CC2D2B: variants seen among roughly 807,000 people sequenced by gnomAD.
The protein encoded by CC2D2B is protein CC2D2B.
In CC2D2B, 128 loss-of-function variants were observed where a neutral mutation model predicts 161.2. The ratio of observed to expected loss-of-function variants is 0.79; its 90% CI spans 0.69 to 0.92. The LOEUF (loss-of-function observed/expected upper bound fraction) is 0.92, where lower values mean the gene tolerates loss of function less well. Among genes scored for constraint, CC2D2B ranks in the 40% least tolerant of loss-of-function variants. The probability of loss-of-function intolerance (pLI) is 0.00; values close to 1 mark genes in which losing one functional copy is unlikely to be tolerated. For missense variants in CC2D2B, 1,173 were observed against 1,375.1 expected (o/e 0.85, Z 2.32); for synonymous variants, 391 against 449.8 (o/e 0.87, Z 1.65).
Position 95,934,962 on chromosome 10 carries a change from C to A in CC2D2B, c.337-3029C>A, listed in dbSNP as rs187964618. Among the ~76,000 whole-genome samples the A allele has an allele frequency of 3.6e-3, 553 of 152,298 alleles. 2 individuals are homozygous for A. The highest frequency in any genetic ancestry group is 6.5e-3 in the Non-Finnish European group (442 of 68,026). Reference sequence around the variant, plus strand: ...CTCAGCTCACTGCAACCTCTGTCTCCTGGCTTCAAGCGATTCTCTTGCCTC... The same window carrying A: ...CTCAGCTCACTGCAACCTCTGTCTCATGGCTTCAAGCGATTCTCTTGCCTC... On this transcript the variant is annotated intron_variant, in intron 6 of 34. Coordinates refer to ENST00000646931, the MANE Select transcript of CC2D2B (RefSeq NM_001349008.3).
chr10:96,026,814 C>A (rs1457056351), intron 33 of CC2D2B, among the ~76,000 whole-genome samples: 1 of 152,106 alleles, frequency 6.6e-6, no homozygotes, highest in Admixed American at 6.6e-5. Flanking sequence ...CAAAAAGTAT[C>A]ATTCTCATAC....
At chr10:95,990,902 G>A (rs114659432) in intron 20 of CC2D2B, among the ~76,000 whole-genome samples, 88 of 152,260 alleles carry the variant, frequency 5.8e-4, no homozygotes, top group African/African-American at 1.8e-3. Context: ...TTCTTGCCAG[G>A]CTGCCAGAAT....
chr10:95,930,419 C>T (rs1177468876), intron 6 of CC2D2B, among the ~76,000 whole-genome samples: 1 of 152,192 alleles, frequency 6.6e-6, no homozygotes, highest in African/African-American at 2.4e-5. Context: ...CTGGTCAGAA[C>T]TTCCAATACT....
intron 25 of CC2D2B, among the ~76,000 whole-genome samples, chr10:96,006,381 C>A (rs571771740): frequency 1.0e-4 from 15 of 149,622 alleles, no homozygotes; most frequent in African/African-American, 3.6e-4. Context: ...CATAACATTT[C>A]TTGCTTGTTA....
At chr10:96,000,747 C>T (rs1361898358) in intron 24 of CC2D2B, 3 of 152,098 alleles carry the variant, frequency 2.0e-5, no homozygotes, top group Non-Finnish European at 4.4e-5. Context: ...CTATCTTTCC[C>T]TAATGGCTTG....
At chr10:95,981,458 A>G (rs2077528033) in intron 17 of CC2D2B, among the ~76,000 whole-genome samples, 1 of 151,672 alleles carries the variant, frequency 6.6e-6, no homozygotes, top group Admixed American at 6.6e-5. Context: ...CCTCTGGCAC[A>G]TACTTACCCA....
chr10:95,913,157 G>A (rs551399650), intron 2 of CC2D2B, among the ~76,000 whole-genome samples: 18 of 136,400 alleles, frequency 1.3e-4, no homozygotes, highest in East Asian at 2.1e-4. Context: ...CTCTATTTCC[G>A]TGAGTTCAAT....
At chr10:95,927,399 C>T (rs1354916534) in intron 6 of CC2D2B, 67 bp downstream of exon 6, 2 of 849,354 alleles carry the variant, frequency 2.4e-6, no homozygotes, top group East Asian at 5.4e-5. Context: ...ATTAAAAGTG[C>T]AGAATGAAAT....
chr10:95,991,668 G>C (rs988043622), intron 21 of CC2D2B, among the ~76,000 whole-genome samples: 1 of 152,118 alleles, frequency 6.6e-6, no homozygotes, highest in Admixed American at 6.5e-5. Context: ...CAATTATATA[G>C]TATTTGGGGG....
chr10:96,006,041 T>C (rs991742491), intron 25 of CC2D2B, among the ~76,000 whole-genome samples: 3 of 134,296 alleles, frequency 2.2e-5, no homozygotes, highest in Non-Finnish European at 1.8e-5. Context: ...ATTTGGAAGA[T>C]GTTTGCCTAT....
intron 19 of CC2D2B, among the ~76,000 whole-genome samples, chr10:95,985,753 C>A (rs1029006250): frequency 6.6e-6 from 1 of 152,128 alleles, no homozygotes; most frequent in Admixed American, 6.5e-5. Context: ...CTGTCAAAAG[C>A]AAATAGGAGA....
chr10:95,940,188 G>A (rs1179456561), intron 9 of CC2D2B, among the ~76,000 whole-genome samples: 3 of 152,052 alleles, frequency 2.0e-5, no homozygotes, highest in Admixed American at 1.3e-4. Context: ...TGAATGACTA[G>A]ATCTCATGAG....
chr10:96,027,285 A>G lies in CC2D2B; in HGVS notation c.4021A>G (p.Thr1341Ala). The G allele has an allele frequency of 6.4e-6, 10 of 1,551,338 alleles. No individual in the cohort carries two copies. The highest frequency in any genetic ancestry group is 8.7e-6 in the Non-Finnish European group (10 of 1,146,742). The change falls in exon 34 of 35, where the codon ACT (threonine) becomes GCT (alanine). Residue 1341 changes from threonine (T) to alanine (A), a missense_variant. Transcript: ENST00000646931. ...KHPTHWNRQC[T>A]FILRQILPKL... ...CCCAACACATTGGAATCGACAGTGTACTTTTATTTTGCGACAAATCCTTCC... is the reference window on the plus strand; with the variant it reads ...CCCAACACATTGGAATCGACAGTGTGCTTTTATTTTGCGACAAATCCTTCC...
At chr10:95,907,939 C>G (rs1477582160), upstream of CC2D2B, 1 of 152,434 alleles carries the variant, frequency 6.6e-6, no homozygotes, top group African/African-American at 2.4e-5. Context: ...TTGCAGCCCG[C>G]GGGCGCCGTA....
At chr10:96,026,081 AAGGCGCTAC>A (rs1162801865) in intron 33 of CC2D2B, among the ~76,000 whole-genome samples, 1 of 152,214 alleles carries the variant, frequency 6.6e-6, no homozygotes, top group African/African-American at 2.4e-5. Context: ...ACATTTTGAT[AAGGCGCTAC>A]AGGTGATTCT....
intron 10 of CC2D2B, chr10:95,950,331 T>C: frequency 3.0e-6 from 1 of 332,958 alleles, no homozygotes; most frequent in Non-Finnish European, 5.4e-6. Context: ...TCAATGGTAT[T>C]CTTGGTCCTA....
At chr10:95,989,996 T>A (rs1207973032) in intron 20 of CC2D2B, among the ~76,000 whole-genome samples, 2 of 152,214 alleles carry the variant, frequency 1.3e-5, no homozygotes, top group Admixed American at 6.5e-5. Flanking sequence ...AGGCCAGGAT[T>A]ACAGCAGTAC....
chr10:95,938,995 G>A, intron 9 of CC2D2B, 70 bp downstream of exon 9: 1 of 611,748 alleles, frequency 1.6e-6, no homozygotes, highest in East Asian at 2.8e-5. Flanking sequence ...TGGTGGTTTT[G>A]TGGTGTTGAT....
chr10:96,004,048 G>T, intron 24 of CC2D2B, 104 bp from the exon 25 acceptor site: 1 of 688,326 alleles, frequency 1.5e-6, no homozygotes, highest in Non-Finnish European at 2.4e-6. Context: ...CTTCATAAAA[G>T]AAAACAACAC....
Sources: allele counts gnomAD v4.1 joint callset (sites outside exome capture counted in the v4.1 genomes callset), GRCh38; gene constraint gnomAD v4.1.1; transcripts MANE v1.5; gene names NCBI Gene and HGNC (gene_info 2026-07-23, HGNC 2026-07-21).